The following ZNF559 variants were observed in gnomAD, a reference collection of about 807,000 sequenced individuals.
ZNF559 encodes the protein putative protein product of Nbla00121.
A neutral mutation model predicts 14.2 loss-of-function variants in ZNF559; 17 were observed. That is an observed-to-expected ratio of 1.20 (90% confidence interval 0.82 to 1.80). The LOEUF (loss-of-function observed/expected upper bound fraction) is 1.80. Among genes scored for constraint, ZNF559 ranks in the 40% most tolerant of loss-of-function variants. ZNF559 has a pLI of 0.00. For missense variants in ZNF559, 740 were observed against 629.7 expected (o/e 1.18, Z -1.88); for synonymous variants, 244 against 212.4 (o/e 1.15, Z -1.29).
intron 2 of ZNF559, among the ~76,000 whole-genome samples, chr19:9,336,177 G>C (rs2067227451): frequency 6.6e-6 from 1 of 152,168 alleles, no homozygotes; most frequent in Non-Finnish European, 1.5e-5. Context: ...TTTCTTGCCA[G>C]AACCAGTTCT....
intron 2 of ZNF559, among the ~76,000 whole-genome samples, chr19:9,335,923 C>T (rs1290123191): frequency 6.6e-6 from 1 of 152,220 alleles, no homozygotes; most frequent in Admixed American, 6.5e-5. Context: ...GTGAATCAGG[C>T]AGCACTCCAA....
chr19:9,337,745 C>T (rs891883777), intron 2 of ZNF559, 51 bp from the exon 3 acceptor site: 54 of 1,289,294 alleles, frequency 4.2e-5, no homozygotes, highest in East Asian at 8.4e-5. Context: ...TTTATGTCCA[C>T]GTGGCATAAT....
chr19:9,324,607 A>C (rs2066467119), intron 1 of ZNF559, 88 bp from the exon 2 acceptor site: 7 of 1,156,824 alleles, frequency 6.1e-6, no homozygotes, highest in South Asian at 2.8e-5. Flanking sequence ...CAGGCAGGGC[A>C]ACATAGGGAG....
At chr19:9,323,982 C>CA, upstream of ZNF559, 1 of 598,810 alleles carries the variant, frequency 1.7e-6, no homozygotes, top group Non-Finnish European at 2.9e-6. Context: ...ATTCTTTGTT[C>CA]AAAACGCCAG....
At chr19:9,337,967 C>T (rs1371353125) in intron 3 of ZNF559, 109 bp downstream of exon 3, 2 of 1,536,096 alleles carry the variant, frequency 1.3e-6, no homozygotes, top group Non-Finnish European at 1.7e-6. Context: ...TATTCAGGCA[C>T]ATTTCACTGT....
At chr19:9,327,997 A>G (rs574688360) in intron 2 of ZNF559, among the ~76,000 whole-genome samples, 1 of 152,326 alleles carries the variant, frequency 6.6e-6, no homozygotes, top group Non-Finnish European at 1.5e-5. Flanking sequence ...TGATAGGCCC[A>G]CAGTGGACAT....
At chr19:9,333,449 T>G (rs2067045488) in intron 2 of ZNF559, among the ~76,000 whole-genome samples, 1 of 152,156 alleles carries the variant, frequency 6.6e-6, no homozygotes, top group Non-Finnish European at 1.5e-5. Flanking sequence ...ACACCTGTAA[T>G]CCCAGCACTT....
chr19:9,339,601 G>A (rs961183096), intron 5 of ZNF559, among the ~76,000 whole-genome samples: 3 of 152,134 alleles, frequency 2.0e-5, no homozygotes, highest in African/African-American at 7.2e-5. Flanking sequence ...TCCTTTTGGT[G>A]AACAGTGAAT....
At position 9,340,062 on chromosome 19, in the gene ZNF559, G is replaced by A. The variant is rs535810371; in HGVS notation, c.160+743G>A. Among the ~76,000 whole-genome samples the A allele has an allele frequency of 2.9e-4, 43 of 149,568 alleles. 1 individual carries two copies. The South Asian group carries it at 8.7e-3, about 30-fold the overall frequency. On this transcript the variant is annotated intron_variant, in intron 5 of 6. Transcript: ENST00000603380. ...CGGCCTCCCAAAGTGCTCGGATTAC[G>A]GCATGAGCCACTGTGCCCAGCCATC...
chr19:9,341,122 A>G lies in ZNF559; in HGVS notation c.181A>G (p.Thr61Ala). The G allele has an allele frequency of 1.2e-6, 2 of 1,612,384 alleles. No homozygotes were observed. Among genetic ancestry groups the G allele is most frequent in the Non-Finnish European group, 1.7e-6 (2 of 1,179,592 alleles). Reference sequence around the variant, plus strand: ...TTCAGATTGGGAGAGTCATATTAATACCAAATGGTCAGCACCTCAGCAGAA... The same window carrying G: ...TTCAGATTGGGAGAGTCATATTAATGCCAAATGGTCAGCACCTCAGCAGAA... ...VAVDWESHIN[T>A]KWSAPQQNFL... Residue 61 changes from threonine (T) to alanine (A), a missense_variant, in exon 6 of 7, where the codon ACC becomes GCC. Coordinates refer to ENST00000603380, the MANE Select transcript of ZNF559 (RefSeq NM_032497.3).
At chr19:9,341,665 C>T (rs749862255) in intron 6 of ZNF559, 30 bp from the exon 7 acceptor site, 7 of 1,602,756 alleles carry the variant, frequency 4.4e-6, no homozygotes, top group Non-Finnish European at 5.9e-6. Context: ...TGGAAAACTT[C>T]TATGAACCAT....
Position 9,324,822 on chromosome 19 carries a change from CTTGAAG to C in ZNF559, c.-120+45_-120+50del, listed in dbSNP as rs1237207449. On this transcript the variant is annotated intron_variant, in intron 2 of 6. Coordinates refer to ENST00000603380, the MANE Select transcript of ZNF559 (RefSeq NM_032497.3). ...CTTGTTCTGGCTGTGGGTGTCGGGTCTTGAAGTTTAAGTTGTGTCGAGGTGGAAAGA... is the reference window on the plus strand; with the variant it reads ...CTTGTTCTGGCTGTGGGTGTCGGGTCTTTAAGTTGTGTCGAGGTGGAAAGA... 6 of 1,504,238 alleles carry C rather than the reference CTTGAAG, an allele frequency of 4.0e-6. No homozygotes were observed. In the Admixed American group the frequency reaches 9.9e-5, roughly 25 times the overall value. 93.2% of individuals were successfully genotyped at this position (1,504,238 alleles called of 1,614,324 possible). A position where few individuals can be genotyped will look rare whatever the true frequency, so the allele number is the denominator to read the frequency against.
rs550939585 is a variant in ZNF559 at position 9,335,471 on chromosome 19, C to T, written c.-119-2325C>T. Among the ~76,000 whole-genome samples, 16 of 152,220 alleles carry T rather than the reference C, an allele frequency of 1.1e-4. No homozygotes were observed. The South Asian group carries it at 3.3e-3, about 32-fold the overall frequency. On this transcript the variant is annotated intron_variant, in intron 2 of 6. Transcript: ENST00000603380. ...AGAGTGCAGCCCTGTCTCCCCCATA[C>T]CCCCAGAAAAATATAAAATAGACAA...
intron 2 of ZNF559, among the ~76,000 whole-genome samples, chr19:9,337,009 A>G (rs1399983707): frequency 6.6e-6 from 1 of 152,236 alleles, no homozygotes; most frequent in Non-Finnish European, 1.5e-5. Flanking sequence ...AATGAAGTCT[A>G]GAAGAAACCA....
intron 2 of ZNF559, among the ~76,000 whole-genome samples, chr19:9,327,672 G>T (rs77044563): frequency 0.021 from 3,213 of 152,228 alleles, 110 homozygotes; most frequent in African/African-American, 0.073. Flanking sequence ...ACAGTCTTAG[G>T]TGAAGAGGAG....
Position 9,343,875 on chromosome 19 carries a change from T to G in ZNF559, c.*807T>G. ...CTGAGTTATCTCAATTGTTCACGGT[T>G]ACAGATGGAACTCTTTATTATTGAG... On this transcript the variant is annotated 3_prime_UTR_variant, in exon 7 of 7. Coordinates refer to ENST00000603380, the MANE Select transcript of ZNF559 (RefSeq NM_032497.3). The G allele has an allele frequency of 2.3e-5, 21 of 899,124 alleles. No individual in the cohort carries two copies. The highest frequency in any genetic ancestry group is 2.8e-5 in the Non-Finnish European group (21 of 751,248). The allele number at this position is 899,124 out of a possible 1,614,324, so 55.7% of individuals were successfully genotyped here. A position where few individuals can be genotyped will look rare whatever the true frequency, so the allele number is the denominator to read the frequency against.
chr19:9,327,236 G>T (rs1464159623), intron 2 of ZNF559, among the ~76,000 whole-genome samples: 1 of 101,530 alleles, frequency 9.8e-6, no homozygotes, highest in Admixed American at 9.5e-5. Flanking sequence ...GTTTTGTTTT[G>T]TTTTGTTTTT....
intron 2 of ZNF559, among the ~76,000 whole-genome samples, chr19:9,331,033 C>T (rs2066910711): frequency 6.6e-6 from 1 of 152,172 alleles, no homozygotes; most frequent in Non-Finnish European, 1.5e-5. Context: ...TGATGACAAG[C>T]ACACCTTCTC....
intron 1 of ZNF559, chr19:9,324,443 C>T (rs867840788): frequency 2.1e-5 from 30 of 1,437,048 alleles, no homozygotes; most frequent in South Asian, 1.5e-4. Flanking sequence ...GCTGGGGCCT[C>T]GGCCCGGGAG....
Sources: allele counts gnomAD v4.1 joint callset (sites outside exome capture counted in the v4.1 genomes callset), GRCh38; gene constraint gnomAD v4.1.1; transcripts MANE v1.5; gene names NCBI Gene and HGNC (gene_info 2026-07-23, HGNC 2026-07-21).